Variants in DOCK10 observed in about 807,000 individuals in gnomAD.
The protein encoded by DOCK10 is dedicator of cytokinesis 10.
A neutral mutation model predicts 280.1 loss-of-function variants in DOCK10; 145 were observed. The observed-to-expected ratio is 0.52, with a 90% CI of 0.45 to 0.59. The LOEUF is 0.59. Ranked by LOEUF, DOCK10 falls within the 20% of genes least tolerant of loss-of-function variation. The pLI is 0.00. For synonymous variants in DOCK10, 915 were observed against 942.2 expected (o/e 0.97, Z 0.53); for missense variants, 2,368 against 2,651.7 (o/e 0.89, Z 2.35).
intron 7 of DOCK10, among the ~76,000 whole-genome samples, 181 bp from the exon 8 acceptor site, chr2:224,876,402 A>C (rs1314164471): frequency 6.6e-6 from 1 of 152,182 alleles, no homozygotes; most frequent in Non-Finnish European, 1.5e-5. Flanking sequence ...GATTTCTTTC[A>C]AAGCTTTTTG....
At chr2:224,810,793 G>T (rs1236965357) in intron 31 of DOCK10, among the ~76,000 whole-genome samples, 1 of 151,654 alleles carries the variant, frequency 6.6e-6, no homozygotes, top group Non-Finnish European at 1.5e-5. Context: ...TTTCATCCAT[G>T]TCCCTACAAA....
Position 225,042,263 on chromosome 2 carries a change from G to T in DOCK10, c.112C>A (p.Gln38Lys). The stretch of plus-strand genomic sequence containing the variant: ...CGCGCCGCACTCACCCGCTGCTGCT[G>T]CCGGCTGCTGACTGCCACCGCGGCG... ...SAAAVAVSSR[Q>K]QQRQEKPRLL... The change falls in exon 1 of 56, where the codon CAG becomes AAG. Residue 38 changes from glutamine (Q) to lysine (K), a missense_variant. Gln to Lys is a moderately conservative substitution (Grantham distance 53). Transcript: ENST00000258390. The surrounding 1 kb of genome is among the most constrained non-coding windows in gnomAD (Gnocchi z 5.1). 7.6e-7 allele frequency: 1 copy of T among 1,314,784 alleles called. No individual in the cohort carries two copies. The highest frequency in any genetic ancestry group is 9.7e-7 in the Non-Finnish European group (1 of 1,033,200). The allele number at this position is 1,314,784 out of a possible 1,614,324, so 81.4% of individuals were successfully genotyped here. A position where few individuals can be genotyped will look rare whatever the true frequency, so the allele number is the denominator to read the frequency against.
chr2:224,987,051 C>T (rs147342887), intron 1 of DOCK10, among the ~76,000 whole-genome samples: 3 of 152,254 alleles, frequency 2.0e-5, no homozygotes, highest in African/African-American at 7.2e-5. Context: ...ACATGGTTTC[C>T]GCATTTGGAG....
chr2:224,818,883 C>A (rs1694325027), intron 29 of DOCK10, among the ~76,000 whole-genome samples: 1 of 152,200 alleles, frequency 6.6e-6, no homozygotes, highest in Non-Finnish European at 1.5e-5. Flanking sequence ...TTCCCTCCAG[C>A]ATATGCCATA....
chr2:224,787,269 A>G lies in DOCK10; in HGVS notation c.5541+6T>C. 6.2e-7 allele frequency: 1 copy of G among 1,613,998 alleles called. No individual in the cohort carries two copies. Among genetic ancestry groups the G allele is most frequent in the Non-Finnish European group, 8.5e-7 (1 of 1,179,872 alleles). ...TAATTAACTTCTAGGGGGTTGGAAT[A>G]CATACTTTGAAGTCTCGTTGTTTCT... is the stretch of plus-strand genomic sequence containing the variant. On this transcript the variant is annotated splice_donor_region_variant and intron_variant, in intron 49 of 55. Coordinates refer to ENST00000258390, the MANE Select transcript of DOCK10 (RefSeq NM_014689.3).
intron 11 of DOCK10, among the ~76,000 whole-genome samples, chr2:224,868,188 C>T (rs1361263284): frequency 6.6e-6 from 1 of 151,642 alleles, no homozygotes; most frequent in East Asian, 1.9e-4. Context: ...AAAAATTTTA[C>T]AAAACAAATG....
chr2:224,830,669 A>T lies in DOCK10; in HGVS notation c.2965-57T>A, dbSNP rs944359097. The T allele has an allele frequency of 8.2e-6, 9 of 1,101,654 alleles. No individual in the cohort carries two copies. In the African/African-American group the frequency reaches 9.5e-5, roughly 12 times the overall value. The allele number at this position is 1,101,654 out of a possible 1,614,324, so 68.2% of individuals were successfully genotyped here. A position where few individuals can be genotyped will look rare whatever the true frequency, so the allele number is the denominator to read the frequency against. On this transcript the variant is annotated intron_variant, in intron 26 of 55. Transcript: ENST00000258390. ...ATTATCCTATGGCAAAATAATGATA[A>T]TTTTTTCTTTGCAATATGTAATACT...
chr2:225,030,888 G>A (rs968134870), intron 1 of DOCK10, among the ~76,000 whole-genome samples: 10 of 151,846 alleles, frequency 6.6e-5, no homozygotes, highest in East Asian at 1.9e-4. Context: ...GTGCTTTGTC[G>A]CCAACATCTG....
At chr2:225,009,807 C>A (rs1559954993) in intron 1 of DOCK10, among the ~76,000 whole-genome samples, 1 of 152,162 alleles carries the variant, frequency 6.6e-6, no homozygotes, top group Non-Finnish European at 1.5e-5. Flanking sequence ...GAGTCCTACT[C>A]TTTATTTAAT....
At chr2:224,962,608 G>C (rs979805239) in intron 1 of DOCK10, among the ~76,000 whole-genome samples, 1 of 152,114 alleles carries the variant, frequency 6.6e-6, no homozygotes, top group Non-Finnish European at 1.5e-5. Context: ...CGCTTGTACT[G>C]TTTTACAGTC....
At chr2:224,831,990 G>C (rs563037280) in intron 26 of DOCK10, among the ~76,000 whole-genome samples, 12 of 152,290 alleles carry the variant, frequency 7.9e-5, no homozygotes, top group Non-Finnish European at 1.6e-4. Flanking sequence ...GGTGCAGTAT[G>C]AGAAGAACAA....
intron 50 of DOCK10, among the ~76,000 whole-genome samples, chr2:224,778,740 T>C (rs896061505): frequency 2.0e-5 from 3 of 152,214 alleles, no homozygotes; most frequent in African/African-American, 7.2e-5. Context: ...CATGTAAAGC[T>C]ATTTAAATGG....
chr2:224,846,468 C>T (rs1468674867), intron 19 of DOCK10, among the ~76,000 whole-genome samples: 3 of 149,168 alleles, frequency 2.0e-5, no homozygotes, highest in South Asian at 2.1e-4. Context: ...TGCAGTGGTA[C>T]GAACACAGCT....
rs375646049 is a variant in DOCK10, at chr2:224,774,980, C to T, written c.5938G>A (p.Glu1980Lys). The change falls in exon 52 of 56, where the codon GAG becomes AAG. Residue 1980 changes from glutamate (E) to lysine (K), a missense_variant. Physicochemically the swap from Glu to Lys is moderately conservative, Grantham distance 56 (BLOSUM62 1). Transcript: ENST00000258390. ...TTGCCCGACAGCGTGAAGGGTGTCT[C>T]GAAGACAAAGCGGTTGATGTTGTGG... ...MHHNINRFVFETPFTLSGKKH... is the reference protein window; with the variant it reads ...MHHNINRFVFKTPFTLSGKKH... 3.7e-6 allele frequency: 6 copies of T among 1,612,690 alleles called. No individual in the cohort carries two copies. In the African/African-American group the frequency reaches 5.3e-5, roughly 14 times the overall value.
chr2:224,933,923 G>C (rs756428469), intron 1 of DOCK10, among the ~76,000 whole-genome samples: 2 of 152,094 alleles, frequency 1.3e-5, no homozygotes, highest in African/African-American at 2.4e-5. Flanking sequence ...TAAGGAGTTG[G>C]AGACAAGAAG....
At chr2:224,925,487 T>A (rs1701999640) in intron 2 of DOCK10, among the ~76,000 whole-genome samples, 1 of 152,248 alleles carries the variant, frequency 6.6e-6, no homozygotes, top group Non-Finnish European at 1.5e-5. Flanking sequence ...CTTAGGTGAC[T>A]GTAGTCATGT....
chr2:225,025,329 G>A (rs1689892465), intron 1 of DOCK10, among the ~76,000 whole-genome samples: 1 of 152,150 alleles, frequency 6.6e-6, no homozygotes, highest in African/African-American at 2.4e-5. Flanking sequence ...GGCAGTAAGA[G>A]GACACTGGAG....
intron 11 of DOCK10, among the ~76,000 whole-genome samples, chr2:224,867,411 G>T (rs1052671639): frequency 2.4e-4 from 37 of 152,218 alleles, no homozygotes; most frequent in African/African-American, 8.2e-4. Context: ...ACGACAGGCT[G>T]CTTCTGTCCC....
Position 224,807,742 on chromosome 2 carries a change from C to T in DOCK10, c.3628G>A (p.Gly1210Ser), listed in dbSNP as rs759068291. 14 of 1,572,734 alleles carry T rather than the reference C, an allele frequency of 8.9e-6. No homozygotes were observed. The highest frequency in any genetic ancestry group is 1.1e-5 in the Non-Finnish European group (13 of 1,157,696). ...QIASLYMPLY[G>S]MLLDNMPRIY... is the part of the protein sequence containing the mutation. ...CTTGGCATATTGTCCAGGAGCATGCCGTACAGGGGCATGTATAAACTTGCT... is the reference window on the plus strand; with the variant it reads ...CTTGGCATATTGTCCAGGAGCATGCTGTACAGGGGCATGTATAAACTTGCT... Residue 1210 changes from glycine to serine, a missense_variant, in exon 33 of 56, where the codon GGC becomes AGC. Gly to Ser is a moderately conservative substitution (Grantham distance 56). This residue lies in a region of DOCK10 where 1,159 missense variants were observed against 1,400.8 expected (regional missense o/e 0.83). Coordinates refer to ENST00000258390, the MANE Select transcript of DOCK10 (RefSeq NM_014689.3).
Sources: gnomAD v4.1 joint callset for allele counts (sites outside exome capture counted in the v4.1 genomes callset) on GRCh38, gnomAD v4.1.1 for gene constraint, gnomAD v4.1.1 regional missense constraint, Gnocchi (gnomAD v3.1) non-coding constraint, MANE v1.5 for transcripts, NCBI Gene and HGNC (gene_info 2026-07-23, HGNC 2026-07-21) for gene names.